LRRC37A2: variants seen among roughly 807,000 people sequenced by gnomAD.
The protein encoded by LRRC37A2 is leucine-rich repeat-containing protein 37A2.
A neutral mutation model predicts 68.8 loss-of-function variants in LRRC37A2; 9 were observed. The ratio of observed to expected loss-of-function variants is 0.13; its 90% CI spans 0.08 to 0.23. The LOEUF is 0.23. Ranked by LOEUF, LRRC37A2 falls within the 10% of genes least tolerant of loss-of-function variation. LRRC37A2 has a pLI of 1.00. For synonymous variants in LRRC37A2, 63 were observed against 367.6 expected (o/e 0.17, Z 9.48); for missense variants, 168 against 950.4 (o/e 0.18, Z 10.82).
the LRRC37A2 span, among the ~76,000 whole-genome samples, chr17:47,009,223 A>G: frequency 6.6e-6 from 1 of 152,150 alleles, no homozygotes; most frequent in Non-Finnish European, 1.5e-5. Flanking sequence ...CATCTAAAAA[A>G]TTTTATCCTT....
chr17:46,905,828 A>T, the LRRC37A2 span, among the ~76,000 whole-genome samples: 38 of 137,038 alleles, frequency 2.8e-4, 1 homozygote, highest in South Asian at 9.0e-3. Context: ...TTGTTGGGGG[A>T]TGGGGTAAGG....
the LRRC37A2 span, among the ~76,000 whole-genome samples, chr17:46,778,557 G>C: frequency 6.6e-6 from 1 of 151,990 alleles, no homozygotes; most frequent in Non-Finnish European, 1.5e-5. Context: ...CCCGCACACT[G>C]CTGAAATTCC....
At chr17:46,558,945 T>G (rs2057457588), downstream of LRRC37A2, 1 of 107,958 alleles carries the variant, frequency 9.3e-6, no homozygotes, top group South Asian at 2.9e-4. Flanking sequence ...CTCAACGTAC[T>G]GGGATTACAG....
At chr17:46,962,717 A>G in the LRRC37A2 span, among the ~76,000 whole-genome samples, 1 of 152,210 alleles carries the variant, frequency 6.6e-6, no homozygotes, top group Non-Finnish European at 1.5e-5. Flanking sequence ...TAGCCAGCCA[A>G]GTCCTTGAAG....
chr17:46,747,833 T>A, the LRRC37A2 span, among the ~76,000 whole-genome samples: 1 of 152,192 alleles, frequency 6.6e-6, no homozygotes, highest in African/African-American at 2.4e-5. Context: ...AGAAAATGAA[T>A]GGGAGGAAAT....
chr17:46,499,464 A>G, the LRRC37A2 span, among the ~76,000 whole-genome samples: 3 of 149,284 alleles, frequency 2.0e-5, no homozygotes, highest in Non-Finnish European at 4.4e-5. Context: ...CTGGGGTTCA[A>G]TCTTGGCATG....
the LRRC37A2 span, chr17:46,768,428 G>A: frequency 1.9e-6 from 3 of 1,613,960 alleles, no homozygotes; most frequent in South Asian, 1.1e-5. This position sits in a 1 kb window ranked among gnomAD's most constrained non-coding sequence, Gnocchi z 5.0. Context: ...CCGTCCTCGT[G>A]TTGTGGCCCC....
the LRRC37A2 span, among the ~76,000 whole-genome samples, chr17:46,492,962 G>A: frequency 6.7e-6 from 1 of 149,342 alleles, no homozygotes; most frequent in African/African-American, 2.5e-5. Context: ...CCAAAGTGCT[G>A]GGATTACAGA....
chr17:46,392,341 G>A, the LRRC37A2 span, among the ~76,000 whole-genome samples: 1 of 70,468 alleles, frequency 1.4e-5, no homozygotes, highest in Non-Finnish European at 3.4e-5. Context: ...CTGAATAACG[G>A]GGATTACTGA....
the LRRC37A2 span, among the ~76,000 whole-genome samples, chr17:46,605,946 T>TGGAGATCAGCCTGACCAA: frequency 6.5e-4 from 31 of 47,562 alleles, no homozygotes; most frequent in Non-Finnish European, 9.3e-4. Context: ...GGTTATGAGT[T>TGGAGATCAGCCTGACCAA]GGAGATCAGC....
At chr17:46,872,368 A>G in the LRRC37A2 span, 3 of 1,277,848 alleles carry the variant, frequency 2.3e-6, no homozygotes, top group Non-Finnish European at 3.0e-6. Context: ...TTGGTTTCCT[A>G]ATCTGTAAAA....
intron 6 of LRRC37A2, among the ~76,000 whole-genome samples, chr17:46,531,996 T>G (rs1181681688): frequency 2.0e-5 from 3 of 148,656 alleles, no homozygotes; most frequent in Non-Finnish European, 3.0e-5. Flanking sequence ...GTGTGAGATG[T>G]AGGGGGTCCA....
chr17:46,953,202 C>T, the LRRC37A2 span, among the ~76,000 whole-genome samples: 1 of 151,992 alleles, frequency 6.6e-6, no homozygotes, highest in Non-Finnish European at 1.5e-5. Context: ...CCCCACTCCC[C>T]CCACCCCACA....
chr17:46,493,338 T>G, the LRRC37A2 span, among the ~76,000 whole-genome samples: 2 of 129,570 alleles, frequency 1.5e-5, no homozygotes, highest in Non-Finnish European at 3.2e-5. Flanking sequence ...TTTTTTTTTT[T>G]TTTTAATAGA....
chr17:47,018,644 A>G, the LRRC37A2 span: 2 of 1,520,296 alleles, frequency 1.3e-6, no homozygotes, highest in Non-Finnish European at 1.8e-6. Context: ...AGTCTCCGGA[A>G]CCTATTAATA....
chr17:46,754,129 C>T, the LRRC37A2 span, among the ~76,000 whole-genome samples: 1 of 146,024 alleles, frequency 6.8e-6, no homozygotes, highest in Non-Finnish European at 1.5e-5. Flanking sequence ...GTACCAACTA[C>T]AACTGCGCTC....
the LRRC37A2 span, chr17:46,763,953 G>A: frequency 6.6e-6 from 1 of 152,018 alleles, no homozygotes; most frequent in African/African-American, 2.4e-5. Context: ...TAGAGAAAAT[G>A]AGACTGAGAA....
the LRRC37A2 span, chr17:46,935,021 T>C: frequency 1.2e-6 from 2 of 1,611,952 alleles, no homozygotes; most frequent in Non-Finnish European, 1.7e-6. Context: ...CCTGTGTTTC[T>C]TTCACAGGAC....
At chr17:46,838,252 G>A in the LRRC37A2 span, among the ~76,000 whole-genome samples, 1 of 151,790 alleles carries the variant, frequency 6.6e-6, no homozygotes, top group Non-Finnish European at 1.5e-5. Flanking sequence ...AAGGTGGGGA[G>A]GGAAGGAAGG....
Sources: gnomAD v4.1 joint callset for allele counts (sites outside exome capture counted in the v4.1 genomes callset) on GRCh38, gnomAD v4.1.1 for gene constraint, Gnocchi (gnomAD v3.1) non-coding constraint, MANE v1.5 for transcripts, NCBI Gene and HGNC (gene_info 2026-07-23, HGNC 2026-07-21) for gene names.